Variants in ENTREP2 observed in about 807,000 individuals in gnomAD.
ENTREP2 encodes the protein protein ENTREP2.
the ENTREP2 span, among the ~76,000 whole-genome samples, chr15:29,457,438 G>T: frequency 6.6e-6 from 1 of 152,210 alleles, no homozygotes; most frequent in Admixed American, 6.5e-5. Context: ...TGTGTCCCTT[G>T]CAGAGTCTTC....
chr15:29,479,972 GCATCAA>G, the ENTREP2 span, among the ~76,000 whole-genome samples: 1 of 152,072 alleles, frequency 6.6e-6, no homozygotes, highest in Non-Finnish European at 1.5e-5. Flanking sequence ...TGGAACCTCT[GCATCAA>G]CAGATATATC....
At chr15:29,405,303 C>T in the ENTREP2 span, among the ~76,000 whole-genome samples, 1 of 151,402 alleles carries the variant, frequency 6.6e-6, no homozygotes, top group Admixed American at 6.6e-5. Flanking sequence ...GCAGGTGAAT[C>T]GTTTGAACCT....
the ENTREP2 span, chr15:29,375,197 A>T: frequency 1.3e-5 from 2 of 152,206 alleles, no homozygotes; most frequent in African/African-American, 4.8e-5. Flanking sequence ...TACTGAGGTA[A>T]AACTCTTCTG....
the ENTREP2 span, among the ~76,000 whole-genome samples, chr15:29,159,059 T>C: frequency 6.6e-6 from 1 of 152,186 alleles, no homozygotes; most frequent in Non-Finnish European, 1.5e-5. Context: ...GTAGTGTATC[T>C]GGAATTGGTG....
chr15:29,603,353 A>G, the ENTREP2 span, among the ~76,000 whole-genome samples: 1 of 152,322 alleles, frequency 6.6e-6, no homozygotes, highest in Admixed American at 6.5e-5. Context: ...GGCCCACTGT[A>G]GACTTCCTGA....
chr15:29,594,459 G>C, the ENTREP2 span, among the ~76,000 whole-genome samples: 1 of 152,126 alleles, frequency 6.6e-6, no homozygotes, highest in African/African-American at 2.4e-5. Flanking sequence ...GGCTCTGCCA[G>C]CTCCTTGAAC....
the ENTREP2 span, among the ~76,000 whole-genome samples, chr15:29,620,480 G>C: frequency 1.3e-5 from 2 of 151,972 alleles, no homozygotes; most frequent in Admixed American, 6.6e-5. Context: ...CAAATCTCAA[G>C]AATGGGTCTG....
the ENTREP2 span, chr15:29,569,600 T>C: frequency 6.6e-6 from 1 of 152,238 alleles, no homozygotes; most frequent in African/African-American, 2.4e-5. Context: ...TTCATAAATA[T>C]CTGCTCTGCA....
the ENTREP2 span, among the ~76,000 whole-genome samples, chr15:29,571,958 ATTC>A: frequency 6.6e-6 from 1 of 152,186 alleles, no homozygotes; most frequent in African/African-American, 2.4e-5. Flanking sequence ...TCCTGAGACC[ATTC>A]TTCCGTGTCT....
At chr15:29,509,775 C>T in the ENTREP2 span, among the ~76,000 whole-genome samples, 3 of 152,088 alleles carry the variant, frequency 2.0e-5, no homozygotes, top group East Asian at 1.9e-4. Flanking sequence ...AAGATTTTAA[C>T]GTAAGACCTA....
At chr15:29,230,618 C>T in the ENTREP2 span, among the ~76,000 whole-genome samples, 4 of 151,804 alleles carry the variant, frequency 2.6e-5, no homozygotes, top group Admixed American at 6.6e-5. Flanking sequence ...AATAATATCT[C>T]GGTAAGTTTA....
the ENTREP2 span, among the ~76,000 whole-genome samples, chr15:29,488,545 C>T: frequency 2.0e-5 from 3 of 151,830 alleles, no homozygotes; most frequent in African/African-American, 7.3e-5. Flanking sequence ...ATAAAAGATA[C>T]AAATCTACAC....
At chr15:29,159,293 G>A in the ENTREP2 span, among the ~76,000 whole-genome samples, 1 of 152,138 alleles carries the variant, frequency 6.6e-6, no homozygotes, top group East Asian at 1.9e-4. Flanking sequence ...CTCCCGATAG[G>A]TTCGTGGTCT....
chr15:29,170,462 A>G, the ENTREP2 span, among the ~76,000 whole-genome samples: 1 of 152,364 alleles, frequency 6.6e-6, no homozygotes, highest in Non-Finnish European at 1.5e-5. Flanking sequence ...TGTGTTGAGA[A>G]CAAATAAATA....
chr15:29,172,883 T>C, the ENTREP2 span, among the ~76,000 whole-genome samples: 1 of 152,138 alleles, frequency 6.6e-6, no homozygotes, highest in African/African-American at 2.4e-5. Flanking sequence ...TACTCTTCCC[T>C]GTCAGGACAC....
chr15:29,567,457 G>T, the ENTREP2 span, among the ~76,000 whole-genome samples: 1 of 152,130 alleles, frequency 6.6e-6, no homozygotes, highest in African/African-American at 2.4e-5. Context: ...CAGGAGTTTG[G>T]CCTCTAAAAA....
the ENTREP2 span, among the ~76,000 whole-genome samples, chr15:29,215,012 C>G: frequency 6.6e-6 from 1 of 152,128 alleles, no homozygotes; most frequent in Non-Finnish European, 1.5e-5. Context: ...GTCTTGATGA[C>G]CTTGTCTTGT....
the ENTREP2 span, among the ~76,000 whole-genome samples, chr15:29,623,013 G>C: frequency 1.3e-5 from 2 of 152,176 alleles, no homozygotes; most frequent in Admixed American, 1.3e-4. Context: ...TTACGATGAT[G>C]TTTGAGTTCC....
At chr15:29,610,221 CTT>C in the ENTREP2 span, 1 of 150,694 alleles carries the variant, frequency 6.6e-6, no homozygotes, top group African/African-American at 2.4e-5. Flanking sequence ...ACCATCCAAT[CTT>C]TGTCTACACC....
Sources: allele counts gnomAD v4.1 joint callset (sites outside exome capture counted in the v4.1 genomes callset), GRCh38; gene constraint gnomAD v4.1.1; transcripts MANE v1.5; gene names NCBI Gene and HGNC (gene_info 2026-07-23, HGNC 2026-07-21).